ACACA: variants seen among roughly 807,000 people sequenced by gnomAD.
ACACA encodes the protein acetyl-CoA carboxylase 1.
ACACA carries 103 observed loss-of-function variants against 296.1 expected under a neutral mutation model. The ratio of observed to expected loss-of-function variants is 0.35; its 90% confidence interval spans 0.30 to 0.41. The LOEUF is 0.41. ACACA is among the 10% of genes least tolerant of loss of function. The probability of loss-of-function intolerance (pLI) is 1.00; values close to 1 mark genes in which losing one functional copy is unlikely to be tolerated. For missense variants in ACACA, 1,554 were observed against 2,989.7 expected, an observed-to-expected ratio of 0.52 and a Z score of 11.20; for synonymous variants, 953 against 1,038.6, an observed-to-expected ratio of 0.92 and a Z score of 1.58.
At chr17:37,184,155 C>CT (rs1324877069) in intron 39 of ACACA, among the ~76,000 whole-genome samples, 1 of 152,004 alleles carries the variant, frequency 6.6e-6, no homozygotes, top group Non-Finnish European at 1.5e-5. Context: ...CCCAGCCAGT[C>CT]TTTTTTAATA....
intron 45 of ACACA, among the ~76,000 whole-genome samples, chr17:37,142,165 T>C (rs1431721863): frequency 6.6e-6 from 1 of 152,160 alleles, no homozygotes; most frequent in African/African-American, 2.4e-5. Context: ...GGACTGGTAC[T>C]TGCTGTAGGG....
At chr17:37,270,566 G>A (rs1308781324) in intron 10 of ACACA, among the ~76,000 whole-genome samples, 185 bp downstream of exon 10, 3 of 152,172 alleles carry the variant, frequency 2.0e-5, no homozygotes, top group Non-Finnish European at 4.4e-5. Flanking sequence ...TTAAAATTGA[G>A]TTGGACATTT....
At chr17:37,397,791 C>T (rs1233937979) in intron 1 of ACACA, among the ~76,000 whole-genome samples, 2 of 152,168 alleles carry the variant, frequency 1.3e-5, no homozygotes, top group African/African-American at 4.8e-5. Flanking sequence ...TTACCCCACC[C>T]TCCTTCACTT....
chr17:37,113,358 C>T lies in ACACA; in HGVS notation c.6275-93G>A. 1 of 1,335,508 alleles carries T rather than the reference C, an allele frequency of 7.5e-7. No individual in the cohort carries two copies. Among genetic ancestry groups the T allele is most frequent in the Non-Finnish European group, 1.1e-6 (1 of 948,112 alleles). The allele number at this position is 1,335,508 out of a possible 1,614,324, so 82.7% of individuals were successfully genotyped here. On this transcript the variant is annotated intron_variant, in intron 50 of 55. Transcript: ENST00000616317. This position sits in a 1 kb window ranked among gnomAD's most constrained non-coding sequence, Gnocchi z 4.0. ...GTTCAGGACCTCTGGCCACGAAGAG[C>T]CTCCTTATACTATGCCTCCTGTTTG...
chr17:37,229,094 A>T (rs1328041214), intron 25 of ACACA, among the ~76,000 whole-genome samples: 1 of 150,024 alleles, frequency 6.7e-6, no homozygotes, highest in Non-Finnish European at 1.5e-5. Context: ...CAGTGAGCCG[A>T]GATCCGGCCA....
chr17:37,311,799 G>C (rs889409297), intron 3 of ACACA, among the ~76,000 whole-genome samples: 4 of 151,424 alleles, frequency 2.6e-5, no homozygotes, highest in African/African-American at 9.7e-5. Context: ...TTGAATCCAG[G>C]AGGTGGAGTT....
At chr17:37,167,174 T>C (rs2076703922) in intron 41 of ACACA, among the ~76,000 whole-genome samples, 1 of 145,140 alleles carries the variant, frequency 6.9e-6, no homozygotes, top group African/African-American at 2.6e-5. Context: ...GTTGGCCAGG[T>C]TGGTCTCGAA....
chr17:37,234,101 A>C (rs2079993906), intron 25 of ACACA, among the ~76,000 whole-genome samples: 2 of 152,222 alleles, frequency 1.3e-5, no homozygotes, highest in Admixed American at 6.5e-5. Context: ...AAAATGATGT[A>C]ATTAACTTAC....
chr17:37,164,432 C>T (rs1216026303), intron 41 of ACACA, among the ~76,000 whole-genome samples: 2 of 152,066 alleles, frequency 1.3e-5, no homozygotes, highest in African/African-American at 2.4e-5. Context: ...GAAACACCCT[C>T]AGATAAATAT....
intron 2 of ACACA, among the ~76,000 whole-genome samples, chr17:37,339,588 C>G (rs2048292134): frequency 6.6e-6 from 1 of 152,224 alleles, no homozygotes; most frequent in Non-Finnish European, 1.5e-5. Context: ...ACTCCACAGC[C>G]TGTCCCATTT....
chr17:37,164,428 C>A lies in ACACA; in HGVS notation c.5080-2378G>T, dbSNP rs188010841. Among the ~76,000 whole-genome samples the A allele has an allele frequency of 1.8e-3, 280 of 152,170 alleles. 1 individual carries two copies. The highest frequency in any genetic ancestry group is 2.5e-3 in the Non-Finnish European group (171 of 68,006). On this transcript the variant is annotated intron_variant, in intron 41 of 55. Transcript: ENST00000616317. The stretch of plus-strand genomic sequence containing the variant: ...CATTAGGAAATATATATATGAAACA[C>A]CCTCAGATAAATATAAGCTATTTAA...
chr17:37,137,982 T>A (rs1463622886), intron 45 of ACACA, among the ~76,000 whole-genome samples: 8 of 152,202 alleles, frequency 5.3e-5, no homozygotes, highest in African/African-American at 1.4e-4. Context: ...GTTCTTTTCC[T>A]TACCAACACT....
At position 37,085,606 on chromosome 17, in the gene ACACA, CT is replaced by C; in HGVS notation, c.*1709del. 2.5e-6 allele frequency: 1 copy of C among 399,050 alleles called. No individual in the cohort carries two copies. Among genetic ancestry groups the C allele is most frequent in the Non-Finnish European group, 4.4e-6 (1 of 226,132 alleles). 24.7% of individuals were successfully genotyped at this position (399,050 alleles called of 1,614,324 possible). A position where few individuals can be genotyped will look rare whatever the true frequency, so the allele number is the denominator to read the frequency against. On this transcript the variant is annotated 3_prime_UTR_variant, in exon 56 of 56. Coordinates refer to ENST00000616317, the MANE Select transcript of ACACA (RefSeq NM_198834.3). Reference sequence around the variant, plus strand: ...GTCCCCCACCACTTTATGCCCTTTTCTGAAGGTGCTGAACACCTGTACCTTC... The same window carrying C: ...GTCCCCCACCACTTTATGCCCTTTTCGAAGGTGCTGAACACCTGTACCTTC...
chr17:37,288,469 G>A (rs758844222), intron 3 of ACACA, among the ~76,000 whole-genome samples: 1 of 152,164 alleles, frequency 6.6e-6, no homozygotes, highest in Non-Finnish European at 1.5e-5. Context: ...TGCAGAACAC[G>A]AATCAGTGGG....
intron 29 of ACACA, among the ~76,000 whole-genome samples, chr17:37,211,101 A>G (rs761125319): frequency 1.3e-5 from 2 of 152,198 alleles, no homozygotes; most frequent in Admixed American, 6.5e-5. Context: ...GCAGGGGGGA[A>G]GGTACTGTAT....
intron 50 of ACACA, among the ~76,000 whole-genome samples, chr17:37,120,705 A>G (rs1479345489): frequency 2.0e-5 from 3 of 152,152 alleles, no homozygotes; most frequent in African/African-American, 7.2e-5. Context: ...GGGCTTCACT[A>G]CTGTAAGAGG....
chr17:37,116,677 CAAAT>C (rs544383132), intron 50 of ACACA, among the ~76,000 whole-genome samples: 331 of 152,298 alleles, frequency 2.2e-3, no homozygotes, highest in Non-Finnish European at 3.8e-3. Flanking sequence ...AACAAACACA[CAAAT>C]AAACTCTGTA....
At chr17:37,273,011 G>A (rs1335084374) in intron 9 of ACACA, among the ~76,000 whole-genome samples, 2 of 152,112 alleles carry the variant, frequency 1.3e-5, no homozygotes, top group African/African-American at 2.4e-5. Flanking sequence ...AAGAATGTTA[G>A]TCGATAAGCA....
At chr17:37,365,458 G>C in intron 1 of ACACA, 1 of 985,436 alleles carries the variant, frequency 1.0e-6, no homozygotes, top group Non-Finnish European at 1.2e-6. Context: ...AGGCCACTCT[G>C]CTCCTGATGC....
Sources: allele counts gnomAD v4.1 joint callset (sites outside exome capture counted in the v4.1 genomes callset), GRCh38; gene constraint gnomAD v4.1.1; non-coding constraint Gnocchi (gnomAD v3.1); transcripts MANE v1.5; gene names NCBI Gene and HGNC (gene_info 2026-07-23, HGNC 2026-07-21).